CELSR1: variants seen among roughly 807,000 people sequenced by gnomAD.
CELSR1 encodes cadherin EGF LAG seven-pass G-type receptor 1.
A neutral mutation model predicts 249.1 loss-of-function variants in CELSR1; 110 were observed. The observed-to-expected ratio is 0.44, with a 90% CI of 0.38 to 0.52. The LOEUF (loss-of-function observed/expected upper bound fraction) is 0.52, where lower values mean the gene tolerates loss of function less well. Among genes scored for constraint, CELSR1 ranks in the 20% least tolerant of loss-of-function variants. The probability of loss-of-function intolerance (pLI) is 0.00; values close to 1 mark genes in which losing one functional copy is unlikely to be tolerated. For missense variants in CELSR1, 4,109 were observed against 4,296.4 expected (o/e 0.96, Z 1.22); for synonymous variants, 2,113 against 1,900.0 (o/e 1.11, Z -2.92).
intron 9 of CELSR1, among the ~76,000 whole-genome samples, chr22:46,403,302 A>C (rs906697397): frequency 6.6e-6 from 1 of 152,036 alleles, no homozygotes; most frequent in Non-Finnish European, 1.5e-5. Flanking sequence ...TAATCCCAGC[A>C]CTTTGGGAGG....
rs752886403 is a variant in CELSR1, at chr22:46,397,836, C to G, written c.5539G>C (p.Gly1847Arg). The G allele has an allele frequency of 3.9e-5, 61 of 1,576,022 alleles. No homozygotes were observed. The highest frequency in any genetic ancestry group is 1.4e-4 in the Admixed American group (8 of 56,738). The change falls in exon 12 of 35, where the codon GGG (glycine) becomes CGG (arginine). Residue 1847 changes from glycine to arginine, a missense_variant. By Grantham distance (125) the Gly-to-Arg change is moderately radical. Transcript: ENST00000674500. ...GTGGCGACGTTGGTGGGCGTCCCCC[C>G]CATCCTCACTCCCTGCATTAAGTAA... The part of the protein sequence containing the change: ...FRGCMQGVRM[G>R]GTPTNVATLN...
rs2078706969 is a variant in CELSR1, at chr22:46,361,752, T to C, written c.*1471A>G. 1 of 152,238 alleles carries C rather than the reference T, an allele frequency of 6.6e-6. No individual in the cohort carries two copies. Among genetic ancestry groups the C allele is most frequent in the South Asian group, 2.1e-4 (1 of 4,832 alleles). 9.4% of individuals were successfully genotyped at this position (152,238 alleles called of 1,614,324 possible). A position where few individuals can be genotyped will look rare whatever the true frequency, so the allele number is the denominator to read the frequency against. On this transcript the variant is annotated 3_prime_UTR_variant, in exon 35 of 35. Transcript: ENST00000674500. ...TGGACATCTTTGCATTTTACTTGAT[T>C]TTCATCCTATTTTATGGTTTCTCCT...
chr22:46,372,840 G>C, intron 25 of CELSR1, 43 bp downstream of exon 25: 1 of 1,560,254 alleles, frequency 6.4e-7, no homozygotes, highest in East Asian at 2.3e-5. Flanking sequence ...GGGGTCTGTT[G>C]GAAATCTGTG....
chr22:46,438,358 C>A (rs546728946), intron 3 of CELSR1, among the ~76,000 whole-genome samples: 1 of 151,408 alleles, frequency 6.6e-6, no homozygotes, highest in Non-Finnish European at 1.5e-5. Context: ...CAGCTAGGCG[C>A]CCCCCAACCC....
In CELSR1 at chr22:46,440,878, C is replaced by T. The variant is rs771717873; in HGVS notation, c.4184-1467G>A. ...TGTTAAAAGACTGCCACAGGCCAGA[C>T]GCAATGGCTCACACCTATCATCCCA... On this transcript the variant is annotated intron_variant, in intron 2 of 34. Coordinates refer to ENST00000674500, the MANE Select transcript of CELSR1 (RefSeq NM_001378328.1). This position sits in a 1 kb window ranked among gnomAD's most constrained non-coding sequence, Gnocchi z 4.7. Among the ~76,000 whole-genome samples the T allele has an allele frequency of 3.3e-5, 5 of 152,130 alleles. No homozygotes were observed. The highest frequency in any genetic ancestry group is 2.1e-4 in the South Asian group (1 of 4,826).
In CELSR1 at chr22:46,394,271, A is replaced by C; in HGVS notation, c.5844-9T>G. The C allele has an allele frequency of 6.2e-7, 1 of 1,610,912 alleles. No homozygotes were observed. Among genetic ancestry groups the C allele is most frequent in the Non-Finnish European group, 8.5e-7 (1 of 1,178,676 alleles). Reference sequence around the variant, plus strand: ...GGCACGGAAGGTCGAGTCTGTGGGGAAAATAAGAGGGCAGCTGGAAGGTTT... The same window carrying C: ...GGCACGGAAGGTCGAGTCTGTGGGGCAAATAAGAGGGCAGCTGGAAGGTTT... On this transcript the variant is annotated splice_polypyrimidine_tract_variant and intron_variant, in intron 13 of 34. Transcript: ENST00000674500.
chr22:46,377,492 A>G, intron 23 of CELSR1: 1 of 567,052 alleles, frequency 1.8e-6, no homozygotes, highest in Admixed American at 3.1e-5. Context: ...GCAGCACGCC[A>G]GGCTCCCTCC....
At chr22:46,397,299 T>C (rs2079158788) in intron 12 of CELSR1, among the ~76,000 whole-genome samples, 1 of 132,196 alleles carries the variant, frequency 7.6e-6, no homozygotes, top group African/African-American at 3.7e-5. Context: ...TTTTTTTTTT[T>C]TTCGTAGAGA....
chr22:46,532,938 G>A (rs1306412951), intron 1 of CELSR1, among the ~76,000 whole-genome samples: 1 of 152,172 alleles, frequency 6.6e-6, no homozygotes, highest in Non-Finnish European at 1.5e-5. Flanking sequence ...TCCAGCCCCA[G>A]AGCAGGTGAG....
rs1407494424 is a variant in CELSR1, at chr22:46,430,990, C to T, written c.4611+2403G>A. On this transcript the variant is annotated intron_variant, in intron 5 of 34. Coordinates refer to ENST00000674500, the MANE Select transcript of CELSR1 (RefSeq NM_001378328.1). This position sits in a 1 kb window ranked among gnomAD's most constrained non-coding sequence, Gnocchi z 4.6. ...AGACACAGTAAAAACTGGTTGGTTT[C>T]CTCCATCAAATAACCTCAGGCAAGA... Among the ~76,000 whole-genome samples the T allele has an allele frequency of 6.6e-6, 1 of 152,232 alleles. No homozygotes were observed. The highest frequency in any genetic ancestry group is 1.5e-5 in the Non-Finnish European group (1 of 68,044).
At chr22:46,461,920 G>A (rs2080033142) in intron 2 of CELSR1, among the ~76,000 whole-genome samples, 1 of 152,226 alleles carries the variant, frequency 6.6e-6, no homozygotes, top group African/African-American at 2.4e-5. Context: ...GAGAGGCAGA[G>A]CAGCCCACTC....
intron 2 of CELSR1, among the ~76,000 whole-genome samples, chr22:46,459,039 T>C (rs984486574): frequency 9.9e-5 from 15 of 150,844 alleles, no homozygotes; most frequent in African/African-American, 3.7e-4. Context: ...ACTACAGGCG[T>C]GTGCCACCAC....
At chr22:46,514,408 T>C (rs1007047856) in intron 1 of CELSR1, among the ~76,000 whole-genome samples, 2 of 152,102 alleles carry the variant, frequency 1.3e-5, no homozygotes, top group Non-Finnish European at 2.9e-5. Flanking sequence ...CGACGGTCCA[T>C]CCAGGTGAGG....
rs143359860 is a variant in CELSR1 at position 46,522,930 on chromosome 22, T to C, written c.3544+10697A>G. Among the ~76,000 whole-genome samples, 1,323 of 152,348 alleles carry C rather than the reference T, an allele frequency of 8.7e-3. 18 individuals carry two copies. The highest frequency in any genetic ancestry group is 0.03 in the African/African-American group (1,254 of 41,588). ...GGAGAACACCTGCTCAGCGGGCCCA[T>C]GCCCAGCATCACAACACATCAAAGG... On this transcript the variant is annotated intron_variant, in intron 1 of 34. Coordinates refer to ENST00000674500, the MANE Select transcript of CELSR1 (RefSeq NM_001378328.1).
At position 46,380,359 on chromosome 22, in the gene CELSR1, G is replaced by T. The variant is rs1439049599; in HGVS notation, c.7256+429C>A. ...CAGCTAGACTGTGTCAGCCTCTCGG[G>T]CAAGACCGTCAGCAGATGGGCTCTT... is the stretch of plus-strand genomic sequence containing the variant. On this transcript the variant is annotated intron_variant, in intron 22 of 34. Coordinates refer to ENST00000674500, the MANE Select transcript of CELSR1 (RefSeq NM_001378328.1). This position sits in a 1 kb window ranked among gnomAD's most constrained non-coding sequence, Gnocchi z 5.1. Among the ~76,000 whole-genome samples the T allele has an allele frequency of 6.6e-6, 1 of 152,198 alleles. No homozygotes were observed.
intron 5 of CELSR1, among the ~76,000 whole-genome samples, chr22:46,420,722 C>T (rs564518604): frequency 1.3e-5 from 2 of 152,322 alleles, no homozygotes; most frequent in African/African-American, 4.8e-5. Context: ...TGTCCTCGAT[C>T]TGGGCCCGCG....
intron 2 of CELSR1, among the ~76,000 whole-genome samples, chr22:46,456,870 G>A (rs1475574918): frequency 7.5e-6 from 1 of 133,600 alleles, no homozygotes; most frequent in East Asian, 2.5e-4. Context: ...GCCCTCGCAG[G>A]GACAGTTGGG....
At position 46,374,256 on chromosome 22, in the gene CELSR1, T is replaced by C. The variant is rs1006791705; in HGVS notation, c.7585-1199A>G. Among the ~76,000 whole-genome samples the C allele has an allele frequency of 2.0e-5, 3 of 152,222 alleles. No individual in the cohort carries two copies. Among genetic ancestry groups the C allele is most frequent in the Admixed American group, 6.5e-5 (1 of 15,284 alleles). The stretch of plus-strand genomic sequence containing the variant: ...AAAAGGAAGGGGGTGAGAAGGTTGG[T>C]TGGCTGGATGGCTGCTTCAAGTAAT... On this transcript the variant is annotated intron_variant, in intron 24 of 34. Transcript: ENST00000674500. The surrounding 1 kb of genome is among the most constrained non-coding windows in gnomAD (Gnocchi z 4.3).
At chr22:46,422,561 C>T (rs576460559) in intron 5 of CELSR1, among the ~76,000 whole-genome samples, 1 of 150,116 alleles carries the variant, frequency 6.7e-6, no homozygotes, top group South Asian at 2.1e-4. Flanking sequence ...GGTGAAACCC[C>T]GTCTCTACTA....
Sources: allele counts gnomAD v4.1 joint callset (sites outside exome capture counted in the v4.1 genomes callset), GRCh38; gene constraint gnomAD v4.1.1; non-coding constraint Gnocchi (gnomAD v3.1); transcripts MANE v1.5; gene names NCBI Gene and HGNC (gene_info 2026-07-23, HGNC 2026-07-21).